AMZ2: variants seen among roughly 807,000 people sequenced by gnomAD.
AMZ2 encodes archaelysin family metallopeptidase 2.
A neutral mutation model predicts 36.7 loss-of-function variants in AMZ2; 26 were observed. That is an observed-to-expected ratio of 0.71 (90% CI 0.52 to 0.98). The LOEUF (loss-of-function observed/expected upper bound fraction) is 0.98. Ranked by LOEUF, AMZ2 falls within the 50% of genes least tolerant of loss-of-function variation. The probability of loss-of-function intolerance (pLI) is 0.00; values close to 1 mark genes in which losing one functional copy is unlikely to be tolerated. For missense variants in AMZ2, 394 were observed against 430.5 expected (o/e 0.92, Z 0.75); for synonymous variants, 144 against 149.1 (o/e 0.97, Z 0.25).
At chr17:68,209,632 A>ATATATGTATATATATTTTTTTTTT in intron 1 of AMZ2, among the ~76,000 whole-genome samples, 2 of 90,690 alleles carry the variant, frequency 2.2e-5, no homozygotes, top group Non-Finnish European at 4.0e-5. Context: ...ATATATATAT[A>ATATATGTATATATATTTTTTTTTT]TTTTTTTTTT....
intron 1 of AMZ2, among the ~76,000 whole-genome samples, chr17:68,238,932 T>G (rs2073847258): frequency 6.6e-6 from 1 of 152,210 alleles, no homozygotes; most frequent in Non-Finnish European, 1.5e-5. Flanking sequence ...AACTGGTCCA[T>G]TAAAGGTGAA....
At position 68,209,851 on chromosome 17, in the gene AMZ2, A is replaced by T. The variant is rs1446828812; in HGVS notation, c.-67+3613A>T. Among the ~76,000 whole-genome samples, 7 of 150,222 alleles carry T rather than the reference A, an allele frequency of 4.7e-5. No individual in the cohort carries two copies. The East Asian group carries it at 1.2e-3, about 25-fold the overall frequency. ...GGCCAGGCTGGTCTTGAACTCATAA[A>T]CTCAGGTGATCCACCCCCTTTGGCC... On this transcript the variant is annotated intron_variant, in intron 1 of 7. Transcript: ENST00000674770.
chr17:68,221,951 G>A (rs1446624409), intron 1 of AMZ2, among the ~76,000 whole-genome samples: 1 of 152,188 alleles, frequency 6.6e-6, no homozygotes, highest in Admixed American at 6.5e-5. Context: ...AGTAATCCCA[G>A]TGAGGGTGAC....
intron 1 of AMZ2, chr17:68,249,068 C>T (rs1870017634): frequency 8.4e-7 from 1 of 1,187,156 alleles, no homozygotes. Context: ...TATATAGGAA[C>T]ACGATGTGAA....
chr17:68,207,689 G>A (rs1484364987), intron 1 of AMZ2, among the ~76,000 whole-genome samples: 1 of 152,196 alleles, frequency 6.6e-6, no homozygotes, highest in Admixed American at 6.5e-5. Flanking sequence ...AGGTGACACC[G>A]TGCTGGCAGC....
chr17:68,250,601 A>G, intron 2 of AMZ2, 131 bp downstream of exon 2: 1 of 1,311,158 alleles, frequency 7.6e-7, no homozygotes, highest in South Asian at 1.5e-5. Flanking sequence ...CGGCGGTACA[A>G]GTTTTGTAGC....
At chr17:68,209,627 TATATA>T (rs575532747) in intron 1 of AMZ2, among the ~76,000 whole-genome samples, 45 of 108,108 alleles carry the variant, frequency 4.2e-4, no homozygotes, top group African/African-American at 1.3e-3. Context: ...TATATATATA[TATATA>T]TTTTTTTTTT....
chr17:68,224,649 C>T (rs1350205319), intron 1 of AMZ2, among the ~76,000 whole-genome samples: 14 of 151,362 alleles, frequency 9.2e-5, no homozygotes, highest in African/African-American at 3.4e-4. Context: ...AAGTAATCTT[C>T]CAGTCTCAGC....
chr17:68,219,176 A>G (rs1555727955), intron 1 of AMZ2, among the ~76,000 whole-genome samples: 1 of 152,184 alleles, frequency 6.6e-6, no homozygotes, highest in East Asian at 1.9e-4. Flanking sequence ...CATGTTGGCC[A>G]GGCTGGTCTT....
At chr17:68,249,938 C>T in intron 1 of AMZ2, 1 of 470,478 alleles carries the variant, frequency 2.1e-6, no homozygotes, top group Admixed American at 3.8e-5. Context: ...CACACCTGGC[C>T]ACCACTAGTT....
intron 1 of AMZ2, among the ~76,000 whole-genome samples, chr17:68,209,482 C>CTAG (rs2144456439): frequency 6.6e-6 from 1 of 151,962 alleles, no homozygotes; most frequent in African/African-American, 2.4e-5. Context: ...GCGTGAGCCA[C>CTAG]TATGCCCGGC....
intron 1 of AMZ2, among the ~76,000 whole-genome samples, chr17:68,237,375 G>A (rs1244440441): frequency 1.1e-4 from 16 of 152,172 alleles, no homozygotes; most frequent in South Asian, 2.1e-4. Context: ...TATTCTAAGT[G>A]TGTCCTTCGT....
At chr17:68,224,441 T>C (rs782406445) in intron 1 of AMZ2, among the ~76,000 whole-genome samples, 4 of 152,242 alleles carry the variant, frequency 2.6e-5, no homozygotes, top group Non-Finnish European at 1.5e-5. Context: ...TGCGTGTTGC[T>C]TGCCTTACCT....
Position 68,248,464 on chromosome 17 carries a change from T to G in AMZ2, c.-242T>G. 1.0e-6 allele frequency: 1 copy of G among 986,222 alleles called. No individual in the cohort carries two copies. Among genetic ancestry groups the G allele is most frequent in the African/African-American group, 1.7e-5 (1 of 57,370 alleles). 61.1% of individuals were successfully genotyped at this position (986,222 alleles called of 1,614,324 possible). ...CCGTTTGCCCGTGATGTTCTGGTTT[T>G]GGGACCAAAGCATCCTAGGCCTCCA... On this transcript the variant is annotated 5_prime_UTR_variant, in exon 1 of 7. Transcript: ENST00000359904.
rs2074348517 is a variant in AMZ2 at position 68,250,242 on chromosome 17, A to G, written c.55A>G (p.Asn19Asp). 2 of 1,614,122 alleles carry G rather than the reference A, an allele frequency of 1.2e-6. No individual in the cohort carries two copies. The highest frequency in any genetic ancestry group is 3.3e-5 in the Admixed American group (2 of 60,006). ...QTLKTALISKNPVLVSQYEKL... is the reference protein window; with the variant it reads ...QTLKTALISKDPVLVSQYEKL... ...ACTAAAAACAGCTCTCATCTCAAAG[A>G]ACCCAGTGCTTGTATCACAGTATGA... The change falls in exon 2 of 7, where the codon AAC becomes GAC. Residue 19 changes from asparagine (N) to aspartate (D), a missense_variant. Physicochemically the swap from Asn to Asp is conservative, Grantham distance 23. Coordinates refer to ENST00000359904, the MANE Select transcript of AMZ2 (RefSeq NM_016627.5).
intron 1 of AMZ2, among the ~76,000 whole-genome samples, chr17:68,217,547 G>T (rs550475688): frequency 6.6e-6 from 1 of 152,214 alleles, no homozygotes; most frequent in African/African-American, 2.4e-5. Context: ...CAACAATTTT[G>T]ACAAATCTGA....
chr17:68,234,429 C>CAA (rs879946228), intron 1 of AMZ2, among the ~76,000 whole-genome samples: 14 of 134,608 alleles, frequency 1.0e-4, no homozygotes, highest in African/African-American at 3.8e-4. Context: ...GACCTTGTCT[C>CAA]AAAAAAAAAA....
At chr17:68,209,683 G>A (rs62087070) in intron 1 of AMZ2, among the ~76,000 whole-genome samples, 1 of 141,462 alleles carries the variant, frequency 7.1e-6, no homozygotes, top group Non-Finnish European at 1.5e-5. Context: ...GTGCAGTGAC[G>A]TGATTCTGAC....
intron 1 of AMZ2, among the ~76,000 whole-genome samples, chr17:68,221,843 T>C (rs1403197294): frequency 6.6e-6 from 1 of 151,608 alleles, no homozygotes; most frequent in Non-Finnish European, 1.5e-5. Context: ...ATGAGCTGAG[T>C]TCGCACCACT....
Sources: allele counts gnomAD v4.1 joint callset (sites outside exome capture counted in the v4.1 genomes callset), GRCh38; gene constraint gnomAD v4.1.1; transcripts MANE v1.5; gene names NCBI Gene and HGNC (gene_info 2026-07-23, HGNC 2026-07-21).